Variants in DCDC1 observed in about 807,000 individuals in gnomAD.
DCDC1 encodes the protein doublecortin domain containing 1.
In DCDC1, 200 loss-of-function variants were observed where a neutral mutation model predicts 178.3. The ratio of observed to expected loss-of-function variants is 1.12; its 90% CI spans 1.00 to 1.26. The LOEUF (loss-of-function observed/expected upper bound fraction) is 1.26, where lower values mean the gene tolerates loss of function less well. Among genes scored for constraint, DCDC1 ranks in the 50% most tolerant of loss-of-function variants. The pLI, the probability that DCDC1 is intolerant of heterozygous loss-of-function variation, is 0.00. For synonymous variants in DCDC1, 690 were observed against 604.8 expected (o/e 1.14, Z -2.07); for missense variants, 1,983 against 1,749.2 (o/e 1.13, Z -2.38).
At chr11:30,928,549 T>C (rs1946735052) in intron 22 of DCDC1, among the ~76,000 whole-genome samples, 1 of 2,640 alleles carries the variant, frequency 3.8e-4, no homozygotes, top group Admixed American at 4.8e-3. Flanking sequence ...ATTTACAGAG[T>C]TGGCCATTCA....
chr11:31,355,818 C>T (rs1951319295), intron 1 of DCDC1, among the ~76,000 whole-genome samples: 1 of 152,162 alleles, frequency 6.6e-6, no homozygotes, highest in African/African-American at 2.4e-5. Context: ...ATCTGCCTGC[C>T]TCGACCTCCC....
At chr11:31,082,879 G>C (rs896143690) in intron 17 of DCDC1, among the ~76,000 whole-genome samples, 2 of 152,120 alleles carry the variant, frequency 1.3e-5, no homozygotes, top group East Asian at 3.9e-4. Flanking sequence ...GTAGAGGATG[G>C]GGAAAGTGAT....
At chr11:31,297,961 A>G (rs1236081080) in intron 6 of DCDC1, among the ~76,000 whole-genome samples, 1 of 152,140 alleles carries the variant, frequency 6.6e-6, no homozygotes, top group Non-Finnish European at 1.5e-5. Context: ...GTATAAAACC[A>G]AGCTGTGCTC....
At chr11:31,262,751 G>T (rs1944880227) in intron 8 of DCDC1, 1 of 251,956 alleles carries the variant, frequency 4.0e-6, no homozygotes, top group Non-Finnish European at 7.5e-6. Context: ...TCAATCATTT[G>T]ATGCACAACA....
intron 20 of DCDC1, among the ~76,000 whole-genome samples, chr11:30,992,079 A>G (rs1951022095): frequency 6.6e-6 from 1 of 152,202 alleles, no homozygotes; most frequent in African/African-American, 2.4e-5. Flanking sequence ...ATAAAGTACA[A>G]TGTAAAATGC....
intron 10 of DCDC1, among the ~76,000 whole-genome samples, chr11:31,134,212 G>A (rs1448567721): frequency 6.6e-6 from 1 of 152,134 alleles, no homozygotes; most frequent in Non-Finnish European, 1.5e-5. Context: ...CTGGCAATGG[G>A]GTTATGTTGA....
chr11:31,328,557 G>A (rs1297716976), intron 2 of DCDC1, among the ~76,000 whole-genome samples: 1 of 152,132 alleles, frequency 6.6e-6, no homozygotes, highest in Non-Finnish European at 1.5e-5. Flanking sequence ...CCAGCACTTT[G>A]GGAGGCCAAG....
intron 1 of DCDC1, among the ~76,000 whole-genome samples, chr11:31,348,490 T>C (rs924011828): frequency 6.6e-6 from 1 of 152,178 alleles, no homozygotes; most frequent in East Asian, 1.9e-4. Context: ...AGAGGTTGTA[T>C]CTGTCCCTTG....
At chr11:31,263,054 G>C (rs369329098) in intron 8 of DCDC1, 6 of 1,612,768 alleles carry the variant, frequency 3.7e-6, no homozygotes, top group Non-Finnish European at 8.5e-7. Context: ...GAAGTATCAC[G>C]TCTCAGAGTC....
intron 20 of DCDC1, among the ~76,000 whole-genome samples, chr11:31,048,384 C>T (rs970256920): frequency 7.2e-5 from 11 of 152,174 alleles, no homozygotes; most frequent in Admixed American, 3.9e-4. Context: ...ATACGAAATT[C>T]ACCAAATTAA....
chr11:31,008,025 CG>C (rs1318276307), intron 20 of DCDC1, among the ~76,000 whole-genome samples: 2 of 152,066 alleles, frequency 1.3e-5, no homozygotes, highest in East Asian at 1.9e-4. Flanking sequence ...CAGAGAAAAC[CG>C]GAAGTGCAGA....
At chr11:31,022,812 A>G (rs1952975588) in intron 20 of DCDC1, among the ~76,000 whole-genome samples, 1 of 151,908 alleles carries the variant, frequency 6.6e-6, no homozygotes, top group Non-Finnish European at 1.5e-5. Flanking sequence ...CAACTAGATT[A>G]TAAGTACCTC....
At chr11:31,013,739 T>C (rs542453756) in intron 20 of DCDC1, among the ~76,000 whole-genome samples, 9 of 152,228 alleles carry the variant, frequency 5.9e-5, no homozygotes, top group Non-Finnish European at 1.3e-4. Context: ...TGAATATACA[T>C]GTAAATTTAT....
Position 30,931,741 on chromosome 11 carries a change from A to G in DCDC1, c.2897+30T>C, listed in dbSNP as rs73465142. 7,387 of 1,581,390 alleles carry G rather than the reference A, an allele frequency of 4.7e-3. 271 individuals are homozygous for G. In the African/African-American group the frequency reaches 0.079, roughly 17 times the overall value. On this transcript the variant is annotated intron_variant, in intron 22 of 38. Transcript: ENST00000684477. ...AAAATCTGTACAAACTAGAAAGTGT[A>G]TTTAATAAGTATGAACAAGTTGTTC...
intron 9 of DCDC1, among the ~76,000 whole-genome samples, chr11:31,176,634 A>T (rs1968067298): frequency 6.6e-6 from 1 of 152,196 alleles, no homozygotes. Context: ...CAAGGAGAGA[A>T]TTCTAAAAGT....
intron 8 of DCDC1, among the ~76,000 whole-genome samples, chr11:31,260,853 T>C (rs1944731499): frequency 6.6e-6 from 1 of 152,196 alleles, no homozygotes; most frequent in Admixed American, 6.5e-5. Flanking sequence ...TACATCTGTC[T>C]TCCATCTGAA....
In DCDC1 at chr11:31,091,416, T is replaced by A. The variant is rs766071623; in HGVS notation, c.2214A>T (p.Gly738=). Residue 738 remains glycine (G), a synonymous_variant, in exon 17 of 39, where the codon GGA becomes GGT. Transcript: ENST00000684477. ...ACCTTTTCTGTAAGATTAATTTATA[T>A]CCTTCTAGTGATGTTCCCTCAGCAG... The part of the protein sequence containing the change: ...VKAAEGTSLE[G]YKLILQKRHS... 1 of 755,702 alleles carries A rather than the reference T, an allele frequency of 1.3e-6. No homozygotes were observed. The highest frequency in any genetic ancestry group is 1.4e-5 in the South Asian group (1 of 72,478). The allele number at this position is 755,702 out of a possible 1,614,324, so 46.8% of individuals were successfully genotyped here. A position where few individuals can be genotyped will look rare whatever the true frequency, so the allele number is the denominator to read the frequency against.
intron 25 of DCDC1, among the ~76,000 whole-genome samples, chr11:30,917,320 T>C (rs569441781): frequency 6.2e-4 from 94 of 152,322 alleles, no homozygotes; most frequent in Non-Finnish European, 1.1e-3. Flanking sequence ...ATCATAAAGA[T>C]TGACTACTCA....
chr11:31,192,834 T>C (rs912627004), intron 9 of DCDC1, among the ~76,000 whole-genome samples: 1 of 152,058 alleles, frequency 6.6e-6, no homozygotes, highest in East Asian at 1.9e-4. Context: ...AGGAAGAGAT[T>C]TGCATTTAAA....
Sources: allele counts gnomAD v4.1 joint callset (sites outside exome capture counted in the v4.1 genomes callset), GRCh38; gene constraint gnomAD v4.1.1; transcripts MANE v1.5; gene names NCBI Gene and HGNC (gene_info 2026-07-23, HGNC 2026-07-21).